Variants in DCAF6 observed in about 807,000 individuals in gnomAD.
DCAF6 encodes the protein DDB1- and CUL4-associated factor 6.
Under a neutral mutation model 125.1 loss-of-function variants are expected in DCAF6, and 54 were observed. The observed-to-expected ratio is 0.43, with a 90% confidence interval of 0.35 to 0.54. The LOEUF is 0.54. Ranked by LOEUF, DCAF6 falls within the 20% of genes least tolerant of loss-of-function variation. DCAF6 has a pLI of 0.01. For synonymous variants in DCAF6, 371 were observed against 390.4 expected (o/e 0.95, Z 0.58); for missense variants, 934 against 1,161.7 (o/e 0.80, Z 2.85).
intron 10 of DCAF6, among the ~76,000 whole-genome samples, chr1:168,011,197 A>G (rs1034711766): frequency 2.7e-5 from 4 of 149,648 alleles, no homozygotes; most frequent in East Asian, 3.9e-4. Flanking sequence ...GCTCACTGCA[A>G]CCTCTGCCCC....
chr1:167,873,058 A>T, the DCAF6 span, among the ~76,000 whole-genome samples: 1 of 151,924 alleles, frequency 6.6e-6, no homozygotes, highest in Admixed American at 6.6e-5. Context: ...CGACAGAGTG[A>T]GACTCTGTCT....
At chr1:167,942,226 A>T (rs1672358494) in intron 1 of DCAF6, among the ~76,000 whole-genome samples, 1 of 149,500 alleles carries the variant, frequency 6.7e-6, no homozygotes, top group East Asian at 1.9e-4. Context: ...CACCATGCCC[A>T]GCTAATGTTG....
intron 16 of DCAF6, among the ~76,000 whole-genome samples, chr1:168,049,551 C>T (rs766986972): frequency 6.0e-5 from 9 of 151,010 alleles, no homozygotes; most frequent in Non-Finnish European, 1.2e-4. Context: ...CGTGAGCCAC[C>T]GCGCCTGGCC....
intron 13 of DCAF6, among the ~76,000 whole-genome samples, chr1:168,042,048 T>C (rs1460069918): frequency 2.0e-5 from 3 of 151,910 alleles, no homozygotes. Flanking sequence ...AATATACAGT[T>C]TTAGTTAAAT....
chr1:167,987,471 C>T, intron 4 of DCAF6, 24 bp from the exon 5 acceptor site: 3 of 1,092,820 alleles, frequency 2.7e-6, no homozygotes, highest in Non-Finnish European at 4.2e-6. Context: ...GTATGATTAT[C>T]TGCACTTTTC....
chr1:167,883,122 C>T, the DCAF6 span, among the ~76,000 whole-genome samples: 1 of 152,256 alleles, frequency 6.6e-6, no homozygotes, highest in Non-Finnish European at 1.5e-5. Flanking sequence ...ACTGCAACCT[C>T]CGCCTCTCAG....
At chr1:167,990,455 G>A (rs1680672370) in intron 5 of DCAF6, among the ~76,000 whole-genome samples, 1 of 152,096 alleles carries the variant, frequency 6.6e-6, no homozygotes, top group African/African-American at 2.4e-5. Flanking sequence ...CTCCATCTTT[G>A]CTGTCAAGTG....
chr1:168,008,905 C>G (rs1299178136), intron 10 of DCAF6, among the ~76,000 whole-genome samples: 1 of 136,952 alleles, frequency 7.3e-6, no homozygotes, highest in African/African-American at 2.7e-5. Context: ...CCCTCCCTCC[C>G]TCCCTTCCTC....
intron 7 of DCAF6, 52 bp downstream of exon 7, chr1:167,993,492 G>A: frequency 6.7e-7 from 1 of 1,498,934 alleles, no homozygotes; most frequent in Non-Finnish European, 9.2e-7. Context: ...GCTCACGCCT[G>A]TAATCCCAGC....
At chr1:167,900,968 G>A in the DCAF6 span, among the ~76,000 whole-genome samples, 2 of 152,070 alleles carry the variant, frequency 1.3e-5, no homozygotes, top group Non-Finnish European at 1.5e-5. Context: ...TTAGTTAGGC[G>A]GAAGCTAACA....
the DCAF6 span, chr1:167,878,384 G>C: frequency 1.9e-6 from 3 of 1,558,334 alleles, no homozygotes; most frequent in South Asian, 3.3e-5. Context: ...TGACTGCTTT[G>C]CTATCATAAT....
chr1:167,911,467 T>C, the DCAF6 span, among the ~76,000 whole-genome samples: 2 of 152,258 alleles, frequency 1.3e-5, no homozygotes, highest in Non-Finnish European at 2.9e-5. Flanking sequence ...TATTTAAAAG[T>C]ATTTTTACTT....
chr1:167,875,654 TAAG>T, the DCAF6 span, among the ~76,000 whole-genome samples: 46 of 152,294 alleles, frequency 3.0e-4, no homozygotes, highest in African/African-American at 1.1e-3. Context: ...AAAACACTGT[TAAG>T]AAGTACTACT....
chr1:167,924,593 C>A, the DCAF6 span: 2 of 1,248,178 alleles, frequency 1.6e-6, no homozygotes, highest in African/African-American at 1.6e-5. Context: ...TTATACACGT[C>A]TTTTAACAGC....
Position 168,045,035 on chromosome 1 carries a change from A to T in DCAF6, c.2066A>T (p.Asp689Val). ...AAAGCCAAGGAACCAGAAACTTCAG[A>T]TCAGACTAGCACTGAGAGTGCTACC... ...SEKAKEPETS[D>V]QTSTESATNE... Residue 689 changes from aspartate (D) to valine (V), a missense_variant, in exon 16 of 22, where the codon GAT becomes GTT. This residue lies in a region of DCAF6 where 559 missense variants were observed against 635.5 expected (regional missense o/e 0.88). Coordinates refer to ENST00000367840, the MANE Select transcript of DCAF6 (RefSeq NM_001198956.2). 1 of 1,614,064 alleles carries T rather than the reference A, an allele frequency of 6.2e-7. No homozygotes were observed. The highest frequency in any genetic ancestry group is 8.5e-7 in the Non-Finnish European group (1 of 1,179,964).
rs188026533 is a variant in DCAF6, at chr1:167,939,265, C to A, written c.97+2257C>A. Among the ~76,000 whole-genome samples the A allele has an allele frequency of 3.3e-5, 5 of 152,022 alleles. No individual in the cohort carries two copies. The East Asian group carries it at 9.7e-4, about 29-fold the overall frequency. Reference sequence around the variant, plus strand: ...ATGGTTTTTTTTAAAAAATGACTTTCCCTCCCAGTTTTATTGGGGTATAAT... The same window carrying A: ...ATGGTTTTTTTTAAAAAATGACTTTACCTCCCAGTTTTATTGGGGTATAAT... On this transcript the variant is annotated intron_variant, in intron 1 of 21. Transcript: ENST00000367840.
intron 1 of DCAF6, among the ~76,000 whole-genome samples, chr1:167,946,313 C>T (rs1673085711): frequency 6.6e-6 from 1 of 152,136 alleles, no homozygotes; most frequent in African/African-American, 2.4e-5. Context: ...ATCATATCAT[C>T]AGGAAACAGG....
intron 16 of DCAF6, 149 bp downstream of exon 16, chr1:168,045,376 C>T (rs1023831362): frequency 1.4e-6 from 1 of 731,878 alleles, no homozygotes; most frequent in Non-Finnish European, 2.2e-6. Context: ...TTACAGTTTA[C>T]TGTAAATGAT....
At chr1:168,012,878 A>G (rs1684489480) in intron 10 of DCAF6, among the ~76,000 whole-genome samples, 1 of 152,172 alleles carries the variant, frequency 6.6e-6, no homozygotes, top group South Asian at 2.1e-4. Context: ...GAGCATCACT[A>G]CATGTACTGA....
Sources: allele counts gnomAD v4.1 joint callset (sites outside exome capture counted in the v4.1 genomes callset), GRCh38; gene constraint gnomAD v4.1.1; regional missense constraint gnomAD v4.1.1; transcripts MANE v1.5; gene names NCBI Gene and HGNC (gene_info 2026-07-23, HGNC 2026-07-21).